The following ZDHHC21 variants were observed in gnomAD, a reference collection of about 807,000 sequenced individuals.
ZDHHC21 encodes the protein zDHHC palmitoyltransferase 21.
Under a neutral mutation model 34.6 loss-of-function variants are expected in ZDHHC21, and 15 were observed. That is an observed-to-expected ratio of 0.43 (90% CI 0.29 to 0.67). The LOEUF is 0.67. Ranked by LOEUF, ZDHHC21 falls within the 30% of genes least tolerant of loss-of-function variation. The pLI is 0.14. For missense variants in ZDHHC21, 344 were observed against 327.7 expected, an observed-to-expected ratio of 1.05 and a Z score of -0.38; for synonymous variants, 142 against 101.8, an observed-to-expected ratio of 1.40 and a Z score of -2.38.
At chr9:14,682,282 TA>T (rs1431744942) in intron 2 of ZDHHC21, among the ~76,000 whole-genome samples, 1 of 152,158 alleles carries the variant, frequency 6.6e-6, no homozygotes, top group African/African-American at 2.4e-5. Flanking sequence ...CAGTGTGCTG[TA>T]TTCAGGAGAC....
intron 3 of ZDHHC21, among the ~76,000 whole-genome samples, chr9:14,675,116 A>C (rs1836140581): frequency 6.6e-6 from 1 of 152,018 alleles, no homozygotes; most frequent in Non-Finnish European, 1.5e-5. Context: ...CAACTGAAGA[A>C]GACTCCTGTT....
the ZDHHC21 span, among the ~76,000 whole-genome samples, chr9:14,592,134 T>G: frequency 6.6e-6 from 1 of 152,082 alleles, no homozygotes; most frequent in African/African-American, 2.4e-5. Flanking sequence ...CCTTTCTTCC[T>G]GCTTTTGTAT....
At chr9:14,589,149 G>A in the ZDHHC21 span, 1 of 152,154 alleles carries the variant, frequency 6.6e-6, no homozygotes, top group African/African-American at 2.4e-5. Flanking sequence ...CTCAACAGAA[G>A]TGCTCTCTAG....
chr9:14,635,809 C>T (rs577440552), intron 8 of ZDHHC21, among the ~76,000 whole-genome samples: 16 of 152,076 alleles, frequency 1.1e-4, no homozygotes, highest in South Asian at 8.3e-4. Flanking sequence ...TGCAGTGAGC[C>T]GAGATCGCAA....
chr9:14,648,704 C>T (rs1289275752), intron 7 of ZDHHC21, among the ~76,000 whole-genome samples: 1 of 152,030 alleles, frequency 6.6e-6, no homozygotes, highest in African/African-American at 2.4e-5. Flanking sequence ...AACACAGGAA[C>T]TTTGTTTTAG....
chr9:14,629,494 A>C (rs1449632850), intron 8 of ZDHHC21, among the ~76,000 whole-genome samples: 1 of 152,186 alleles, frequency 6.6e-6, no homozygotes, highest in Admixed American at 6.5e-5. Context: ...TATTGCAATA[A>C]AGCCGGTAGC....
At chr9:14,646,913 T>G (rs1830363987) in intron 7 of ZDHHC21, among the ~76,000 whole-genome samples, 1 of 152,122 alleles carries the variant, frequency 6.6e-6, no homozygotes, top group Admixed American at 6.6e-5. Context: ...TTTGCCTGTC[T>G]TGTTCAATCA....
chr9:14,660,684 T>C lies in ZDHHC21; in HGVS notation c.365+1531A>G, dbSNP rs185883278. Among the ~76,000 whole-genome samples, 330 of 152,218 alleles carry C rather than the reference T, an allele frequency of 2.2e-3. 8 individuals are homozygous for C. The highest frequency in any genetic ancestry group is 0.02 in the Admixed American group (300 of 15,284). On this transcript the variant is annotated intron_variant, in intron 6 of 9. Transcript: ENST00000380916. The stretch of plus-strand genomic sequence containing the variant: ...CTCACTGCTACCAACTTCTGAAAAG[T>C]TGACTAAAACTATGGAAGCAAGAGG...
At chr9:14,691,099 A>G (rs753364538) in intron 1 of ZDHHC21, among the ~76,000 whole-genome samples, 1 of 152,182 alleles carries the variant, frequency 6.6e-6, no homozygotes, top group Non-Finnish European at 1.5e-5. Flanking sequence ...GTCACCTCCT[A>G]TGCTAAAAAA....
chr9:14,663,594 G>T (rs546571930), intron 5 of ZDHHC21, among the ~76,000 whole-genome samples: 3 of 127,426 alleles, frequency 2.4e-5, no homozygotes, highest in African/African-American at 9.0e-5. Flanking sequence ...TACTTTAGTT[G>T]AATGGTCAGG....
At position 14,614,997 on chromosome 9, in the gene ZDHHC21, C is replaced by G. The variant is rs1413990876; in HGVS notation, c.*3969G>C. 1 of 151,570 alleles carries G rather than the reference C, an allele frequency of 6.6e-6. No individual in the cohort carries two copies. Among genetic ancestry groups the G allele is most frequent in the Non-Finnish European group, 1.5e-5 (1 of 67,678 alleles). The allele number at this position is 151,570 out of a possible 1,614,324, so 9.4% of individuals were successfully genotyped here. ...ACAGGAAGCGCAAGAGAAGCAGAGA[C>G]TAGAGAAAAGTCCAGAGAGAGACTA... On this transcript the variant is annotated 3_prime_UTR_variant, in exon 10 of 10. Transcript: ENST00000380916.
At chr9:14,687,588 T>C (rs1297016390) in intron 2 of ZDHHC21, among the ~76,000 whole-genome samples, 1 of 150,718 alleles carries the variant, frequency 6.6e-6, no homozygotes, top group African/African-American at 2.5e-5. Flanking sequence ...CGAGAATCGC[T>C]TGAAGCTTGA....
In ZDHHC21 at chr9:14,688,041, A is replaced by T. The variant is rs907994817; in HGVS notation, c.-176+2296T>A. Among the ~76,000 whole-genome samples the T allele has an allele frequency of 3.3e-5, 5 of 150,946 alleles. 1 individual carries two copies. Among genetic ancestry groups the T allele is most frequent in the African/African-American group, 1.2e-4 (5 of 40,222 alleles). The stretch of plus-strand genomic sequence containing the variant: ...TGGCAGTTAAATAATTCTCCATAAA[A>T]ATCAAGCTCTCATTGCCAATTAGGA... On this transcript the variant is annotated intron_variant, in intron 2 of 9. Coordinates refer to ENST00000380916, the MANE Select transcript of ZDHHC21 (RefSeq NM_178566.6).
chr9:14,680,353 T>C (rs1837153631), intron 2 of ZDHHC21, among the ~76,000 whole-genome samples, 191 bp from the exon 3 acceptor site: 1 of 152,170 alleles, frequency 6.6e-6, no homozygotes, highest in Admixed American at 6.6e-5. Context: ...ATTACAATTA[T>C]ATCTGAGAGT....
chr9:14,644,642 A>G (rs1019366774), intron 7 of ZDHHC21, among the ~76,000 whole-genome samples: 1 of 152,026 alleles, frequency 6.6e-6, no homozygotes, highest in Admixed American at 6.6e-5. Flanking sequence ...GAGATGCTCT[A>G]TTTGAATTTT....
At chr9:14,674,566 A>G (rs1032284702) in intron 3 of ZDHHC21, among the ~76,000 whole-genome samples, 181 bp from the exon 4 acceptor site, 1 of 152,014 alleles carries the variant, frequency 6.6e-6, no homozygotes, top group African/African-American at 2.4e-5. Flanking sequence ...AATACTTGGG[A>G]AAACAAACAG....
At position 14,672,883 on chromosome 9, in the gene ZDHHC21, G is replaced by C; in HGVS notation, c.200C>G (p.Ala67Gly). 1 of 1,607,852 alleles carries C rather than the reference G, an allele frequency of 6.2e-7. No individual in the cohort carries two copies. The highest frequency in any genetic ancestry group is 1.1e-5 in the South Asian group (1 of 90,054). ...SIFCLVALVRASITDPGRLPE... is the reference protein window; with the variant it reads ...SIFCLVALVRGSITDPGRLPE... ...GAGTCTTCCTGGATCAGTTATGGAG[G>C]CCCTCACTAAGGCAACCAGACAGAA... The change falls in exon 5 of 10, where the codon GCC becomes GGC. Residue 67 changes from alanine to glycine, a missense_variant. Ala to Gly is a moderately conservative substitution (Grantham distance 60, BLOSUM62 0). Coordinates refer to ENST00000380916, the MANE Select transcript of ZDHHC21 (RefSeq NM_178566.6).
chr9:14,659,040 G>C (rs1212120955), intron 6 of ZDHHC21, among the ~76,000 whole-genome samples, 153 bp from the exon 7 acceptor site: 2 of 152,156 alleles, frequency 1.3e-5, no homozygotes, highest in African/African-American at 4.8e-5. Context: ...AAACTATACA[G>C]AGAAAACTAT....
intron 8 of ZDHHC21, among the ~76,000 whole-genome samples, chr9:14,624,080 TACTTTAAGAAAAACTATTTAAAAA>T (rs1825797297): frequency 6.6e-6 from 1 of 151,924 alleles, no homozygotes. Flanking sequence ...GGATCGAAAA[TACTTTAAGAAAAACTATTTAAAAA>T]AATAAATAAT....
Sources: allele counts gnomAD v4.1 joint callset (sites outside exome capture counted in the v4.1 genomes callset), GRCh38; gene constraint gnomAD v4.1.1; transcripts MANE v1.5; gene names NCBI Gene and HGNC (gene_info 2026-07-23, HGNC 2026-07-21).